Variants in STAC observed in about 807,000 individuals in gnomAD.
The protein encoded by STAC is SH3 and cysteine rich domain.
In STAC, 43 loss-of-function variants were observed where a neutral mutation model predicts 48.8. The ratio of observed to expected loss-of-function variants is 0.88; its 90% CI spans 0.69 to 1.14. STAC has a LOEUF of 1.14. Ranked by LOEUF, STAC falls within the 50% of genes most tolerant of loss-of-function variation. The pLI is 0.00. For synonymous variants in STAC, 193 were observed against 179.5 expected, an observed-to-expected ratio of 1.07 and a Z score of -0.60; for missense variants, 497 against 504.0, an observed-to-expected ratio of 0.99 and a Z score of 0.13.
At chr3:36,405,037 T>C (rs1002673788) in intron 1 of STAC, among the ~76,000 whole-genome samples, 1 of 152,168 alleles carries the variant, frequency 6.6e-6, no homozygotes, top group African/African-American at 2.4e-5. Context: ...TAAAATATCA[T>C]ACGATTCTTG....
At chr3:36,463,540 C>A (rs563419067) in intron 2 of STAC, among the ~76,000 whole-genome samples, 9 of 148,834 alleles carry the variant, frequency 6.0e-5, no homozygotes, top group Non-Finnish European at 1.0e-4. Flanking sequence ...TTTAAGTTTT[C>A]GGGTACATGT....
chr3:36,467,688 T>A (rs1335170659), intron 2 of STAC, among the ~76,000 whole-genome samples: 2 of 152,174 alleles, frequency 1.3e-5, no homozygotes, highest in African/African-American at 4.8e-5. Context: ...TCAGTTGTCA[T>A]ATCTCCTGTA....
At chr3:36,499,323 C>G (rs555494097) in intron 6 of STAC, among the ~76,000 whole-genome samples, 37 of 152,190 alleles carry the variant, frequency 2.4e-4, no homozygotes, top group African/African-American at 8.7e-4. Flanking sequence ...AGCTGAAATA[C>G]TGACTTTATG....
chr3:36,446,041 C>G (rs1416328403), intron 2 of STAC, among the ~76,000 whole-genome samples: 1 of 152,214 alleles, frequency 6.6e-6, no homozygotes, highest in Non-Finnish European at 1.5e-5. Flanking sequence ...CCAGTCTCAT[C>G]CAGTGCCCAT....
intron 2 of STAC, among the ~76,000 whole-genome samples, chr3:36,473,542 A>T (rs921512829): frequency 6.6e-6 from 1 of 152,186 alleles, no homozygotes. Context: ...AGCCTTTCTC[A>T]GATGCACAGA....
intron 1 of STAC, among the ~76,000 whole-genome samples, chr3:36,382,972 C>G (rs563955234): frequency 6.6e-6 from 1 of 152,276 alleles, no homozygotes; most frequent in South Asian, 2.1e-4. Flanking sequence ...GCATTAAACT[C>G]TCTCAAGGAA....
chr3:36,402,421 T>C (rs1700015212), intron 1 of STAC, among the ~76,000 whole-genome samples: 1 of 152,002 alleles, frequency 6.6e-6, no homozygotes, highest in African/African-American at 2.4e-5. Flanking sequence ...TTGTATGCAT[T>C]ATTCTGTTTA....
At chr3:36,420,692 T>G (rs1243011692) in intron 1 of STAC, among the ~76,000 whole-genome samples, 3 of 152,236 alleles carry the variant, frequency 2.0e-5, no homozygotes, top group Non-Finnish European at 2.9e-5. Context: ...CTGTCTTCCA[T>G]GAAACTGGTC....
In STAC at chr3:36,380,741, GC is replaced by G. The variant is rs776514317; in HGVS notation, c.100del (p.Gln34ArgfsTer8). ...EQPPSPASTS[S>X]QESKLQKLKR... ...CCGCCCTCTCCTGCATCCACCAGCA[GC>G]CAGGAATCCAAGGTACCGAGCACGC... On this transcript the variant is annotated frameshift_variant, in exon 1 of 11. Coordinates refer to ENST00000273183, the MANE Select transcript of STAC (RefSeq NM_003149.3). LOFTEE classifies it high-confidence loss of function. The G allele has an allele frequency of 3.1e-6, 5 of 1,611,190 alleles. No homozygotes were observed. In the South Asian group the frequency reaches 5.5e-5, roughly 18 times the overall value.
In STAC at chr3:36,486,227, C is replaced by A; in HGVS notation, c.665C>A (p.Ser222Tyr). The part of the protein sequence containing the change: ...RTKKGSSGSG[S>Y]DSPHRTSTSD... ...AAGAAGGGCAGCTCCGGCAGTGGCT[C>A]TGACTCACCTCACAGAACCTCTGTA... The change falls in exon 5 of 11, where the codon TCT (serine) becomes TAT (tyrosine). Residue 222 changes from serine to tyrosine, a missense_variant. Coordinates refer to ENST00000273183, the MANE Select transcript of STAC (RefSeq NM_003149.3). 6.2e-7 allele frequency: 1 copy of A among 1,613,962 alleles called. No individual in the cohort carries two copies. Among genetic ancestry groups the A allele is most frequent in the Non-Finnish European group, 8.5e-7 (1 of 1,179,910 alleles).
chr3:36,395,043 A>C (rs928917242), intron 1 of STAC, among the ~76,000 whole-genome samples: 9 of 141,362 alleles, frequency 6.4e-5, no homozygotes, highest in Non-Finnish European at 9.2e-5. Context: ...ATATATATAT[A>C]TCAAAATATT....
chr3:36,404,926 A>T (rs190527694), intron 1 of STAC, among the ~76,000 whole-genome samples: 1 of 152,308 alleles, frequency 6.6e-6, no homozygotes, highest in Admixed American at 6.5e-5. Flanking sequence ...TTATAAATGC[A>T]TCTATTAGGT....
In STAC at chr3:36,449,330, T is replaced by C. The variant is rs111493523; in HGVS notation, c.388+5690T>C. ...TGGATTGTAACTAAGGAGTTCTCTA[T>C]CAACAGCTACTTTTCCGTAATTCCA... is the stretch of plus-strand genomic sequence containing the variant. On this transcript the variant is annotated intron_variant, in intron 2 of 10. Transcript: ENST00000273183. 2.2e-3 allele frequency among the ~76,000 whole-genome samples: 330 copies of C among 152,308 alleles called. 2 individuals carry two copies. Among genetic ancestry groups the C allele is most frequent in the African/African-American group, 6.8e-3 (284 of 41,566 alleles).
At chr3:36,520,685 G>A (rs913401146) in intron 8 of STAC, among the ~76,000 whole-genome samples, 1 of 152,210 alleles carries the variant, frequency 6.6e-6, no homozygotes, top group Admixed American at 6.5e-5. Context: ...ATGCAATTAA[G>A]GCTATTTGAG....
chr3:36,413,375 A>G (rs954124539), intron 1 of STAC, among the ~76,000 whole-genome samples: 7 of 152,214 alleles, frequency 4.6e-5, no homozygotes, highest in African/African-American at 1.4e-4. Flanking sequence ...GGGTGCATAT[A>G]TATTTAGGAT....
chr3:36,434,663 C>G (rs1700786180), intron 1 of STAC, among the ~76,000 whole-genome samples: 1 of 152,166 alleles, frequency 6.6e-6, no homozygotes, highest in Non-Finnish European at 1.5e-5. Context: ...TCAGAACCAC[C>G]CCTTTCCCAT....
At position 36,515,882 on chromosome 3, in the gene STAC, C is replaced by G. The variant is rs192690579; in HGVS notation, c.920+10048C>G. On this transcript the variant is annotated intron_variant, in intron 8 of 10. Coordinates refer to ENST00000273183, the MANE Select transcript of STAC (RefSeq NM_003149.3). ...GGAGCCCACCTGGGGAGATATGTGG[C>G]CTTCTATCTTTGCAACTATCCGTTT... Among the ~76,000 whole-genome samples, 6 of 151,726 alleles carry G rather than the reference C, an allele frequency of 4.0e-5. No homozygotes were observed. The East Asian group carries it at 9.7e-4, about 25-fold the overall frequency.
At chr3:36,486,852 G>T (rs1575233672) in intron 5 of STAC, among the ~76,000 whole-genome samples, 1 of 152,170 alleles carries the variant, frequency 6.6e-6, no homozygotes, top group African/African-American at 2.4e-5. Flanking sequence ...GTCTCTGGTT[G>T]TTTCAATCAG....
chr3:36,381,572 T>G (rs1420779071), intron 1 of STAC, among the ~76,000 whole-genome samples: 1 of 141,848 alleles, frequency 7.0e-6, no homozygotes, highest in Non-Finnish European at 1.6e-5. Context: ...GGCTCTTTAT[T>G]CTGATTTCAT....
Sources: gnomAD v4.1 joint callset for allele counts (sites outside exome capture counted in the v4.1 genomes callset) on GRCh38, gnomAD v4.1.1 for gene constraint, MANE v1.5 for transcripts, NCBI Gene and HGNC (gene_info 2026-07-23, HGNC 2026-07-21) for gene names.